MOCS1: variants seen among roughly 807,000 people sequenced by gnomAD.
MOCS1 encodes the protein molybdenum cofactor synthesis 1, also known as molybdenum cofactor biosynthesis protein 1.
Under a neutral mutation model 57.6 loss-of-function variants are expected in MOCS1, and 39 were observed. The observed-to-expected ratio is 0.68, with a 90% CI of 0.52 to 0.88. The LOEUF (loss-of-function observed/expected upper bound fraction) is 0.88, where lower values mean the gene tolerates loss of function less well. MOCS1 is among the 40% of genes least tolerant of loss of function. The pLI is 0.00. For synonymous variants in MOCS1, 334 were observed against 335.7 expected (o/e 1.00, Z 0.05); for missense variants, 795 against 831.1 (o/e 0.96, Z 0.53).
chr6:39,926,732 G>A (rs796870732), intron 2 of MOCS1, among the ~76,000 whole-genome samples: 1 of 67,236 alleles, frequency 1.5e-5, no homozygotes, highest in African/African-American at 6.7e-5. Flanking sequence ...AGGAAAAGAA[G>A]GGGGGGAAGG....
At chr6:39,930,047 T>C (rs1768566006) in intron 1 of MOCS1, among the ~76,000 whole-genome samples, 1 of 151,962 alleles carries the variant, frequency 6.6e-6, no homozygotes, top group African/African-American at 2.4e-5. Context: ...TCTAGACTTA[T>C]GCAGACTGCA....
chr6:39,921,184 G>A (rs1328520443), intron 3 of MOCS1, among the ~76,000 whole-genome samples: 1 of 152,070 alleles, frequency 6.6e-6, no homozygotes, highest in Non-Finnish European at 1.5e-5. Flanking sequence ...TGGATCATGA[G>A]GTCAGGAGAT....
In MOCS1 at chr6:39,917,604, G is replaced by A. The variant is rs112237546; in HGVS notation, c.419-1372C>T. ...CAACAGAGACCTCAGGCACTAAGAT[G>A]AGTACACCGCCAAGAATCAACAAAC... On this transcript the variant is annotated intron_variant, in intron 3 of 10. Transcript: ENST00000340692. Among the ~76,000 whole-genome samples, 1,257 of 152,208 alleles carry A rather than the reference G, an allele frequency of 8.3e-3. 11 individuals carry two copies. The highest frequency in any genetic ancestry group is 0.02 in the Middle Eastern group (6 of 294).
Position 39,916,142 on chromosome 6 carries a change from G to A in MOCS1, c.509C>T (p.Ala170Val). 1.2e-6 allele frequency: 2 copies of A among 1,614,026 alleles called. No individual in the cohort carries two copies. Among genetic ancestry groups the A allele is most frequent in the Non-Finnish European group, 1.7e-6 (2 of 1,180,012 alleles). ...GCTGATGTTGATGGCACTGAGACCA[G>A]CCTTCTGAAGCTGGGGCAGTAGCCG... ...LARLLPQLQKAGLSAINISLD... is the reference protein window; with the variant it reads ...LARLLPQLQKVGLSAINISLD... Residue 170 changes from alanine (A) to valine (V), a missense_variant, in exon 4 of 11, where the codon GCT (alanine) becomes GTT (valine). Transcript: ENST00000340692.
chr6:39,932,650 G>T (rs1428428863), intron 1 of MOCS1, among the ~76,000 whole-genome samples: 5 of 152,194 alleles, frequency 3.3e-5, no homozygotes, highest in Admixed American at 6.5e-5. Context: ...GAGATGTCCA[G>T]GATTCAATGT....
chr6:39,909,067 T>C lies in MOCS1; in HGVS notation c.1138A>G (p.Met380Val), dbSNP rs1188515509. The change falls in exon 10 of 11, where the codon ATG (methionine) becomes GTG (valine). Residue 380 changes from methionine (M) to valine (V), a missense_variant. By Grantham distance (21) the Met-to-Val change is conservative. Coordinates refer to ENST00000340692, the MANE Select transcript of MOCS1 (RefSeq NM_001358530.2). ...FSISQMKNRPMILIELFLMFP... is the reference protein window; with the variant it reads ...FSISQMKNRPVILIELFLMFP... ...ATGGGTCACCCACCGATGAGGATCA[T>C]GGGCCGGTTCTTCATCTGGGAAATA... 1 of 1,605,564 alleles carries C rather than the reference T, an allele frequency of 6.2e-7. No individual in the cohort carries two copies. Among genetic ancestry groups the C allele is most frequent in the African/African-American group, 1.4e-5 (1 of 71,766 alleles).
chr6:39,925,791 A>G lies in MOCS1; in HGVS notation c.305T>C (p.Leu102Pro). 1 of 1,612,842 alleles carries G rather than the reference A, an allele frequency of 6.2e-7. No individual in the cohort carries two copies. The highest frequency in any genetic ancestry group is 8.5e-7 in the Non-Finnish European group (1 of 1,179,982). Residue 102 changes from leucine to proline, a missense_variant, in exon 3 of 11, where the codon CTG (leucine) becomes CCG (proline). Leu to Pro is a moderately conservative substitution (Grantham distance 98). Coordinates refer to ENST00000340692, the MANE Select transcript of MOCS1 (RefSeq NM_001358530.2). Reference protein sequence around the residue: ...GVPLTPKANLLTTEEILTLAR... With the variant: ...GVPLTPKANLPTTEEILTLAR... ...GAGGGTCAGGATCTCCTCTGTGGTC[A>G]GCAGGTTGGCTTTGGGGGTCAGCGG... is the stretch of plus-strand genomic sequence containing the variant.
chr6:39,916,210 C>T lies in MOCS1; in HGVS notation c.441G>A (p.Gly147=), dbSNP rs376852331. The change falls in exon 4 of 11, where the codon GGG becomes GGA. Residue 147 remains glycine, a synonymous_variant. Coordinates refer to ENST00000340692, the MANE Select transcript of MOCS1 (RefSeq NM_001358530.2). ...TGGTGGTAACACCTATGGTTCTCAG[C>T]CCTTCCAGCCGCTGGAGCTGGGCTG... ...DIVAQLQRLE[G]LRTIGVTTNG... 1 of 1,613,816 alleles carries T rather than the reference C, an allele frequency of 6.2e-7. No individual in the cohort carries two copies. Among genetic ancestry groups the T allele is most frequent in the Non-Finnish European group, 8.5e-7 (1 of 1,179,974 alleles).
chr6:39,909,014 A>G, intron 10 of MOCS1, 41 bp downstream of exon 10: 2 of 1,593,404 alleles, frequency 1.3e-6, no homozygotes, highest in Non-Finnish European at 8.6e-7. Context: ...GAGATCCCCA[A>G]ATGACAAGGG....
At chr6:39,917,360 C>G (rs1331735649) in intron 3 of MOCS1, among the ~76,000 whole-genome samples, 1 of 152,060 alleles carries the variant, frequency 6.6e-6, no homozygotes, top group East Asian at 1.9e-4. Context: ...TGAGGGTAAC[C>G]ACCCCCATTA....
intron 3 of MOCS1, among the ~76,000 whole-genome samples, chr6:39,922,554 C>T (rs986963793): frequency 1.3e-5 from 2 of 152,176 alleles, no homozygotes; most frequent in Non-Finnish European, 2.9e-5. Context: ...CCAAACCCGC[C>T]ATAACTTTTG....
intron 1 of MOCS1, among the ~76,000 whole-genome samples, chr6:39,928,571 CA>C (rs1175751188): frequency 6.6e-6 from 1 of 151,324 alleles, no homozygotes; most frequent in African/African-American, 2.4e-5. Flanking sequence ...ATATTTCAGA[CA>C]AAAAAATCAC....
intron 8 of MOCS1, among the ~76,000 whole-genome samples, chr6:39,910,547 C>T (rs531325286): frequency 2.7e-4 from 41 of 152,278 alleles, no homozygotes; most frequent in Admixed American, 9.2e-4. Context: ...ATGAGACAGC[C>T]CCAGAAATCA....
At chr6:39,907,312 T>G (rs1302789266) in intron 10 of MOCS1, among the ~76,000 whole-genome samples, 195 bp from the exon 11 acceptor site, 1 of 147,916 alleles carries the variant, frequency 6.8e-6, no homozygotes, top group Admixed American at 6.7e-5. Flanking sequence ...AGAGTCCAAG[T>G]TCACAGCCCT....
In MOCS1 at chr6:39,905,936, G is replaced by T; in HGVS notation, c.*421C>A. 1 of 467,268 alleles carries T rather than the reference G, an allele frequency of 2.1e-6. No individual in the cohort carries two copies. The highest frequency in any genetic ancestry group is 1.5e-5 in the South Asian group (1 of 64,518). The allele number at this position is 467,268 out of a possible 1,614,324, so 28.9% of individuals were successfully genotyped here. Reference sequence around the variant, plus strand: ...GCTTGTGCTTTGCTCTCCTCAAAGTGGGCTCCTCTGCTTAATGAGCGCTTA... The same window carrying T: ...GCTTGTGCTTTGCTCTCCTCAAAGTTGGCTCCTCTGCTTAATGAGCGCTTA... On this transcript the variant is annotated 3_prime_UTR_variant, in exon 11 of 11. Transcript: ENST00000340692.
In MOCS1 at chr6:39,905,670, A is replaced by G. The variant is rs1203402276; in HGVS notation, c.*687T>C. 5 of 471,230 alleles carry G rather than the reference A, an allele frequency of 1.1e-5. No homozygotes were observed. The highest frequency in any genetic ancestry group is 6.9e-5 in the East Asian group (1 of 14,404). 29.2% of individuals were successfully genotyped at this position (471,230 alleles called of 1,614,324 possible). On this transcript the variant is annotated 3_prime_UTR_variant, in exon 11 of 11. Transcript: ENST00000340692. ...CCAGGTGTGGGCTGTGTGGTCTGGCAGGAGTCCTTAGGGCTATGGCCCATG... is the reference window on the plus strand; with the variant it reads ...CCAGGTGTGGGCTGTGTGGTCTGGCGGGAGTCCTTAGGGCTATGGCCCATG...
Position 39,927,576 on chromosome 6 carries a change from CAT to C in MOCS1, c.124-123_124-122del, listed in dbSNP as rs754533499. 10 of 1,608,664 alleles carry C rather than the reference CAT, an allele frequency of 6.2e-6. No individual in the cohort carries two copies. The highest frequency in any genetic ancestry group is 4.0e-5 in the African/African-American group (3 of 74,914). ...CTGTGCGGAGCTTCCAACTCTTCCA[CAT>C]GTTTGGGCTCTGCAATGTTGGGGAA... On this transcript the variant is annotated intron_variant, in intron 1 of 10. Coordinates refer to ENST00000340692, the MANE Select transcript of MOCS1 (RefSeq NM_001358530.2).
In MOCS1 at chr6:39,904,699, T is replaced by C. The variant is rs937706890; in HGVS notation, c.*1658A>G. ...AACTGGGGAACTGTGACTATCTATCTCCCCCGACTTCTACCAGGGATGCCT... is the reference window on the plus strand; with the variant it reads ...AACTGGGGAACTGTGACTATCTATCCCCCCCGACTTCTACCAGGGATGCCT... On this transcript the variant is annotated 3_prime_UTR_variant, in exon 11 of 11. Transcript: ENST00000340692. The C allele has an allele frequency of 8.8e-6, 4 of 453,502 alleles. No individual in the cohort carries two copies. The highest frequency in any genetic ancestry group is 1.8e-5 in the Non-Finnish European group (4 of 226,720). 28.1% of individuals were successfully genotyped at this position (453,502 alleles called of 1,614,324 possible).
chr6:39,918,341 TTCA>T (rs1767776705), intron 3 of MOCS1, among the ~76,000 whole-genome samples: 1 of 152,238 alleles, frequency 6.6e-6, no homozygotes, highest in South Asian at 2.1e-4. Flanking sequence ...TGTTACAAAA[TTCA>T]TCATCAGTTT....
Sources: gnomAD v4.1 joint callset for allele counts (sites outside exome capture counted in the v4.1 genomes callset) on GRCh38, gnomAD v4.1.1 for gene constraint, MANE v1.5 for transcripts, NCBI Gene and HGNC (gene_info 2026-07-23, HGNC 2026-07-21) for gene names.